The following NR6A1 variants were observed in gnomAD, a reference collection of about 807,000 sequenced individuals.
NR6A1 encodes the protein retinoic acid receptor-related testis-associated receptor.
A neutral mutation model predicts 59.1 loss-of-function variants in NR6A1; 7 were observed. The observed-to-expected ratio is 0.12, with a 90% CI of 0.07 to 0.22. The LOEUF is 0.22. Ranked by LOEUF, NR6A1 falls within the 10% of genes least tolerant of loss-of-function variation. The probability of loss-of-function intolerance (pLI) is 1.00; values close to 1 mark genes in which losing one functional copy is unlikely to be tolerated. For synonymous variants in NR6A1, 243 were observed against 236.1 expected (o/e 1.03, Z -0.27); for missense variants, 468 against 611.6 (o/e 0.77, Z 2.48).
chr9:124,673,564 T>A (rs1837858399), intron 2 of NR6A1, among the ~76,000 whole-genome samples: 1 of 152,064 alleles, frequency 6.6e-6, no homozygotes, highest in Admixed American at 6.6e-5. Context: ...GAAATAAATA[T>A]CATAGATGCT....
chr9:124,520,406 A>G lies in NR6A1; in HGVS notation c.*2299T>C, dbSNP rs1042186557. ...GGAATCTGCTGCAAACATTTGTAAA[A>G]CTGGATTTGTACAATGGCAACTTGC... On this transcript the variant is annotated 3_prime_UTR_variant, in exon 10 of 10. Transcript: ENST00000487099. 6.6e-6 allele frequency: 1 copy of G among 152,184 alleles called. No individual in the cohort carries two copies. The highest frequency in any genetic ancestry group is 1.9e-4 in the East Asian group (1 of 5,198). 9.4% of individuals were successfully genotyped at this position (152,184 alleles called of 1,614,324 possible).
At chr9:124,713,431 G>A (rs900350115) in intron 2 of NR6A1, among the ~76,000 whole-genome samples, 2 of 152,082 alleles carry the variant, frequency 1.3e-5, no homozygotes, top group African/African-American at 2.4e-5. Context: ...TTTGTGCATC[G>A]ACGGACACAA....
In NR6A1 at chr9:124,687,303, T is replaced by A. The variant is rs561007472; in HGVS notation, c.142+46005A>T. ...AGCCAGCTAATTAATTATTTATTTA[T>A]TTATTTATTTATTTATTGGTAGAGA... On this transcript the variant is annotated intron_variant, in intron 2 of 9. Transcript: ENST00000487099. 4.9e-3 allele frequency among the ~76,000 whole-genome samples: 692 copies of A among 141,856 alleles called. 6 individuals are homozygous for A. Among genetic ancestry groups the A allele is most frequent in the African/African-American group, 0.02 (648 of 32,746 alleles). The allele number at this position is 141,856 out of a possible 152,430, so 93.1% of individuals were successfully genotyped here.
At position 124,519,881 on chromosome 9, in the gene NR6A1, GAC is replaced by G. The variant is rs1269201922; in HGVS notation, c.*2822_*2823del. On this transcript the variant is annotated 3_prime_UTR_variant, in exon 10 of 10. Transcript: ENST00000487099. ...CGCACCACTGCACTCCAGCCTGAGC[GAC>G]AGAGCGAGACTCCGCCTCAAAAAAA... The G allele has an allele frequency of 1.9e-4, 22 of 115,792 alleles. No homozygotes were observed. The highest frequency in any genetic ancestry group is 7.8e-4 in the African/African-American group (22 of 28,376). 7.2% of individuals were successfully genotyped at this position (115,792 alleles called of 1,614,324 possible).
At position 124,742,224 on chromosome 9, in the gene NR6A1, G is replaced by A. The variant is rs137928196; in HGVS notation, c.101-8875C>T. On this transcript the variant is annotated intron_variant, in intron 1 of 9. Transcript: ENST00000487099. The stretch of plus-strand genomic sequence containing the variant: ...CAACTCTCATTACTTCAATACAGGG[G>A]CTCTAAAATTTCAACCAGAAAACCA... Among the ~76,000 whole-genome samples the A allele has an allele frequency of 2.9e-3, 443 of 152,212 alleles. 2 individuals carry two copies. Among genetic ancestry groups the A allele is most frequent in the Non-Finnish European group, 4.9e-3 (332 of 68,002 alleles).
At chr9:124,614,617 G>A (rs1401318395) in intron 2 of NR6A1, among the ~76,000 whole-genome samples, 1 of 152,126 alleles carries the variant, frequency 6.6e-6, no homozygotes, top group East Asian at 1.9e-4. Context: ...TGAGAGAATA[G>A]ATCCTAAAAA....
intron 2 of NR6A1, among the ~76,000 whole-genome samples, chr9:124,674,598 CTAT>C (rs545930290): frequency 1.3e-5 from 2 of 152,096 alleles, no homozygotes; most frequent in Non-Finnish European, 2.9e-5. Flanking sequence ...TAAATATTAA[CTAT>C]TATTATCTTA....
At chr9:124,729,834 C>T (rs1221531898) in intron 2 of NR6A1, among the ~76,000 whole-genome samples, 3 of 144,642 alleles carry the variant, frequency 2.1e-5, no homozygotes, top group South Asian at 2.2e-4. Context: ...TTTTTTGAGA[C>T]GGAGTCTCGC....
At chr9:124,690,643 T>TC (rs1002120456) in intron 2 of NR6A1, among the ~76,000 whole-genome samples, 1 of 152,056 alleles carries the variant, frequency 6.6e-6, no homozygotes, top group African/African-American at 2.4e-5. Context: ...TAAGGAATCC[T>TC]CCCTCCTCAG....
At chr9:124,648,895 C>A (rs775614306) in intron 2 of NR6A1, among the ~76,000 whole-genome samples, 1 of 151,640 alleles carries the variant, frequency 6.6e-6, no homozygotes, top group Non-Finnish European at 1.5e-5. Flanking sequence ...ATAGAATTAA[C>A]CAAAAAAGTG....
At chr9:124,528,034 T>A (rs906306047) in intron 7 of NR6A1, among the ~76,000 whole-genome samples, 18 of 152,230 alleles carry the variant, frequency 1.2e-4, no homozygotes, top group Admixed American at 1.0e-3. Context: ...GCTTCAGGCA[T>A]GCTTCCTGGT....
chr9:124,554,869 A>G (rs1833881688), intron 2 of NR6A1, among the ~76,000 whole-genome samples: 2 of 152,308 alleles, frequency 1.3e-5, no homozygotes, highest in South Asian at 4.1e-4. Flanking sequence ...CTGCTCATCT[A>G]TAACCCATCA....
In NR6A1 at chr9:124,526,272, T is replaced by TTGTG. The variant is rs1204703211; in HGVS notation, c.1201+503_1201+506dup. Among the ~76,000 whole-genome samples the TTGTG allele has an allele frequency of 3.3e-5, 5 of 150,176 alleles. No homozygotes were observed. In the South Asian group the frequency reaches 1.1e-3, roughly 32 times the overall value. On this transcript the variant is annotated intron_variant, in intron 8 of 9. Transcript: ENST00000487099. Reference sequence around the variant, plus strand: ...TCTTTTAATTAAAAGCCATGCTTGATTGTGTGTATGTGTGTATGTGTGTGT... The same window carrying TTGTG: ...TCTTTTAATTAAAAGCCATGCTTGATTGTGTGTGTGTATGTGTGTATGTGTGTGT...
chr9:124,623,161 C>G (rs1836128348), intron 2 of NR6A1, among the ~76,000 whole-genome samples: 1 of 152,098 alleles, frequency 6.6e-6, no homozygotes. Context: ...GAAAGGGAAA[C>G]TGTCAAAATG....
At chr9:124,567,462 G>A (rs897137279) in intron 2 of NR6A1, among the ~76,000 whole-genome samples, 36 of 152,258 alleles carry the variant, frequency 2.4e-4, no homozygotes, top group Admixed American at 9.2e-4. Flanking sequence ...ATTGTCAAAT[G>A]CAACATCAAA....
At chr9:124,662,650 TA>T (rs769052941) in intron 2 of NR6A1, among the ~76,000 whole-genome samples, 1 of 152,200 alleles carries the variant, frequency 6.6e-6, no homozygotes, top group East Asian at 1.9e-4. Flanking sequence ...ACAAGTATCC[TA>T]AAATATTAAT....
chr9:124,750,273 C>G (rs1472118635), intron 1 of NR6A1, among the ~76,000 whole-genome samples: 1 of 152,192 alleles, frequency 6.6e-6, no homozygotes, highest in African/African-American at 2.4e-5. Flanking sequence ...AAAAGTCTCT[C>G]CCATTCCACA....
intron 2 of NR6A1, among the ~76,000 whole-genome samples, chr9:124,611,764 A>AGG (rs1835752733): frequency 9.0e-6 from 1 of 111,482 alleles, no homozygotes; most frequent in African/African-American, 4.3e-5. Flanking sequence ...AGAGAGAGAG[A>AGG]GAGAGAGAGA....
intron 2 of NR6A1, among the ~76,000 whole-genome samples, chr9:124,603,627 G>T (rs1430277951): frequency 6.6e-6 from 1 of 152,158 alleles, no homozygotes; most frequent in Admixed American, 6.5e-5. Flanking sequence ...TATAACATAT[G>T]TATCCGTCAC....
Sources: allele counts gnomAD v4.1 joint callset (sites outside exome capture counted in the v4.1 genomes callset), GRCh38; gene constraint gnomAD v4.1.1; transcripts MANE v1.5; gene names NCBI Gene and HGNC (gene_info 2026-07-23, HGNC 2026-07-21).